ZNF644: variants seen among roughly 807,000 people sequenced by gnomAD.
The protein encoded by ZNF644 is zinc finger motif enhancer binding protein 2.
ZNF644 carries 20 observed loss-of-function variants against 108.0 expected under a neutral mutation model. The observed-to-expected ratio is 0.19, with a 90% CI of 0.13 to 0.27. The LOEUF (loss-of-function observed/expected upper bound fraction) is 0.27. ZNF644 is among the 10% of genes least tolerant of loss of function. The pLI is 1.00. For synonymous variants in ZNF644, 542 were observed against 539.1 expected, an observed-to-expected ratio of 1.01 and a Z score of -0.08; for missense variants, 1,338 against 1,548.9, an observed-to-expected ratio of 0.86 and a Z score of 2.29.
chr1:90,991,085 A>C (rs1343913245), intron 1 of ZNF644, among the ~76,000 whole-genome samples: 1 of 152,188 alleles, frequency 6.6e-6, no homozygotes, highest in Non-Finnish European at 1.5e-5. Flanking sequence ...TGCTTTTAAC[A>C]CCTTCAATAA....
intron 4 of ZNF644, among the ~76,000 whole-genome samples, chr1:90,936,205 A>T (rs969347283): frequency 2.0e-5 from 3 of 152,226 alleles, no homozygotes; most frequent in Admixed American, 6.5e-5. Flanking sequence ...ATGTTCAAAC[A>T]ATAAGAAACT....
chr1:90,918,328 T>C (rs1363944304), intron 4 of ZNF644, 174 bp from the exon 5 acceptor site: 1 of 651,692 alleles, frequency 1.5e-6, no homozygotes, highest in Non-Finnish European at 2.8e-6. Flanking sequence ...ATAGCAGTAA[T>C]ATTATCTGTA....
chr1:90,989,067 C>CA (rs1326122683), intron 1 of ZNF644, among the ~76,000 whole-genome samples: 4 of 152,038 alleles, frequency 2.6e-5, no homozygotes, highest in Non-Finnish European at 5.9e-5. Flanking sequence ...AAGAAGTAAT[C>CA]AATGGAGTGA....
intron 1 of ZNF644, among the ~76,000 whole-genome samples, chr1:90,988,371 C>T (rs1441305115): frequency 6.6e-6 from 1 of 152,090 alleles, no homozygotes; most frequent in African/African-American, 2.4e-5. Context: ...AGCTATAACA[C>T]ACTGCTGAAA....
intron 1 of ZNF644, among the ~76,000 whole-genome samples, chr1:90,992,028 T>TA (rs1367788829): frequency 2.4e-4 from 37 of 151,318 alleles, no homozygotes; most frequent in African/African-American, 5.8e-4. Context: ...TACGTTGAGT[T>TA]AAAAAAAAAC....
chr1:90,929,675 T>C (rs1227165244), intron 4 of ZNF644, among the ~76,000 whole-genome samples: 1 of 152,170 alleles, frequency 6.6e-6, no homozygotes, highest in Non-Finnish European at 1.5e-5. Flanking sequence ...CCATAGCACT[T>C]TCCACAACAT....
At position 90,938,202 on chromosome 1, in the gene ZNF644, A is replaced by G. The variant is rs1651555023; in HGVS notation, c.3082+70T>C. 4 of 1,612,020 alleles carry G rather than the reference A, an allele frequency of 2.5e-6. No homozygotes were observed. The African/African-American group carries it at 4.0e-5, about 16-fold the overall frequency. ...TGATTCTAATAAAGACTAAATTCAA[A>G]AAAAACTTTTAAATCTTCAGAATTA... is the stretch of plus-strand genomic sequence containing the variant. On this transcript the variant is annotated intron_variant, in intron 3 of 5. Coordinates refer to ENST00000337393, the MANE Select transcript of ZNF644 (RefSeq NM_201269.3). This position sits in a 1 kb window ranked among gnomAD's most constrained non-coding sequence, Gnocchi z 4.2.
At position 90,917,078 on chromosome 1, in the gene ZNF644, C is replaced by G. The variant is rs17131234; in HGVS notation, c.3792-88G>C. ...AAAATCCTAAAACATAAGGAATAAA[C>G]TTTATCATATTTTAAAGACAGCAAT... On this transcript the variant is annotated intron_variant, in intron 5 of 5. Transcript: ENST00000337393. The G allele has an allele frequency of 4.0e-3, 5,485 of 1,357,176 alleles. 114 individuals are homozygous for G. The African/African-American group carries it at 0.052, about 13-fold the overall frequency. The allele number at this position is 1,357,176 out of a possible 1,614,324, so 84.1% of individuals were successfully genotyped here. A position where few individuals can be genotyped will look rare whatever the true frequency, so the allele number is the denominator to read the frequency against.
chr1:90,983,948 A>C lies in ZNF644; in HGVS notation c.-17-1578T>G, dbSNP rs539716696. Among the ~76,000 whole-genome samples the C allele has an allele frequency of 2.0e-5, 3 of 152,176 alleles. No homozygotes were observed. In the South Asian group the frequency reaches 6.2e-4, roughly 32 times the overall value. ...GTCTCCAAAAAAGAGGAAGAAGAAG[A>C]AGACATGGCAGAGAGAACTGAAAAT... On this transcript the variant is annotated intron_variant, in intron 1 of 5. Coordinates refer to ENST00000337393, the MANE Select transcript of ZNF644 (RefSeq NM_201269.3).
intron 1 of ZNF644, among the ~76,000 whole-genome samples, chr1:90,982,858 TA>T (rs199516938): frequency 0.017 from 2,605 of 152,130 alleles, 30 homozygotes; most frequent in Non-Finnish European, 0.026. Flanking sequence ...CCACAGTAAT[TA>T]TCATAATAGC....
intron 2 of ZNF644, among the ~76,000 whole-genome samples, chr1:90,948,187 C>G (rs1652716826): frequency 6.6e-6 from 1 of 152,108 alleles, no homozygotes; most frequent in African/African-American, 2.4e-5. Context: ...GGTTTTAGAG[C>G]ATAGAATCAG....
chr1:90,998,212 A>G (rs1281489703), intron 1 of ZNF644, among the ~76,000 whole-genome samples: 2 of 152,158 alleles, frequency 1.3e-5, no homozygotes, highest in Non-Finnish European at 2.9e-5. Flanking sequence ...TTCTCCCAGG[A>G]CGGAGTCTGA....
intron 2 of ZNF644, among the ~76,000 whole-genome samples, chr1:90,977,264 G>A (rs972022595): frequency 1.3e-5 from 2 of 152,010 alleles, no homozygotes; most frequent in African/African-American, 4.8e-5. Flanking sequence ...TACAGGCTAT[G>A]CTGATGTTAG....
chr1:90,996,256 A>G (rs765018079), intron 1 of ZNF644, among the ~76,000 whole-genome samples: 1 of 152,260 alleles, frequency 6.6e-6, no homozygotes, highest in Non-Finnish European at 1.5e-5. Context: ...ACAGTAGGAT[A>G]TAAGCAAAAA....
chr1:90,959,285 A>G (rs1197823367), intron 2 of ZNF644, among the ~76,000 whole-genome samples: 4 of 152,224 alleles, frequency 2.6e-5, no homozygotes, highest in Non-Finnish European at 5.9e-5. Flanking sequence ...TGATGTAGAG[A>G]AACAGAGACC....
Position 90,946,815 on chromosome 1 carries a change from T to C in ZNF644, c.45-5506A>G, listed in dbSNP as rs151245660. Among the ~76,000 whole-genome samples the C allele has an allele frequency of 7.2e-4, 110 of 151,936 alleles. 1 individual carries two copies. Among genetic ancestry groups the C allele is most frequent in the Non-Finnish European group, 1.1e-3 (78 of 67,914 alleles). ...TTGCCATTAAAAAAAAGCAAACAAA[T>C]TACACTGAACCTGTTGAACAGCTTG... On this transcript the variant is annotated intron_variant, in intron 2 of 5. Coordinates refer to ENST00000337393, the MANE Select transcript of ZNF644 (RefSeq NM_201269.3).
At chr1:91,008,978 C>T (rs552841530) in intron 1 of ZNF644, among the ~76,000 whole-genome samples, 1 of 152,276 alleles carries the variant, frequency 6.6e-6, no homozygotes, top group East Asian at 1.9e-4. Context: ...GCAGCTCACA[C>T]CTGTAATCAC....
rs901454611 is a variant in ZNF644 at position 90,974,025 on chromosome 1, T to A, written c.44+8285A>T. Among the ~76,000 whole-genome samples, 4 of 152,032 alleles carry A rather than the reference T, an allele frequency of 2.6e-5. No individual in the cohort carries two copies. The East Asian group carries it at 7.7e-4, about 29-fold the overall frequency. The stretch of plus-strand genomic sequence containing the variant: ...TTTCTCTCCCTTCTCTCCTAAAACT[T>A]TTATGGGATAGGTGTCCGTATAGAT... On this transcript the variant is annotated intron_variant, in intron 2 of 5. Transcript: ENST00000337393.
chr1:90,993,876 A>G (rs1213774648), intron 1 of ZNF644, among the ~76,000 whole-genome samples: 1 of 152,232 alleles, frequency 6.6e-6, no homozygotes, highest in Non-Finnish European at 1.5e-5. Flanking sequence ...AAAAACTGTT[A>G]TAGAGCAATC....
Sources: gnomAD v4.1 joint callset for allele counts (sites outside exome capture counted in the v4.1 genomes callset) on GRCh38, gnomAD v4.1.1 for gene constraint, Gnocchi (gnomAD v3.1) non-coding constraint, MANE v1.5 for transcripts, NCBI Gene and HGNC (gene_info 2026-07-23, HGNC 2026-07-21) for gene names.